MSL2: variants seen among roughly 807,000 people sequenced by gnomAD.
The protein encoded by MSL2 is MSL complex subunit 2.
Under a neutral mutation model 35.8 loss-of-function variants are expected in MSL2, and 2 were observed. That is an observed-to-expected ratio of 0.06 (90% CI 0.02 to 0.18). MSL2 has a LOEUF of 0.18. Ranked by LOEUF, MSL2 falls within the 10% of genes least tolerant of loss-of-function variation. The pLI is 1.00. For missense variants in MSL2, 523 were observed against 706.7 expected (o/e 0.74, Z 2.95); for synonymous variants, 296 against 255.7 (o/e 1.16, Z -1.50).
At chr3:136,173,021 G>A (rs1940070072) in intron 1 of MSL2, among the ~76,000 whole-genome samples, 4 of 152,070 alleles carry the variant, frequency 2.6e-5, no homozygotes, top group Admixed American at 2.6e-4. Flanking sequence ...AAACCAGCCA[G>A]GCATGGTGGT....
At chr3:136,187,077 G>A (rs946662187) in intron 1 of MSL2, among the ~76,000 whole-genome samples, 7 of 152,102 alleles carry the variant, frequency 4.6e-5, no homozygotes, top group South Asian at 2.1e-4. Context: ...CACAAATGCA[G>A]AACCCACAGA....
intron 1 of MSL2, among the ~76,000 whole-genome samples, chr3:136,183,284 G>A (rs960961872): frequency 2.0e-5 from 3 of 152,154 alleles, no homozygotes; most frequent in Admixed American, 6.5e-5. Flanking sequence ...AGCCAAATGC[G>A]GTGGCTCACT....
At chr3:136,162,426 A>T (rs891398414) in intron 1 of MSL2, among the ~76,000 whole-genome samples, 2 of 151,808 alleles carry the variant, frequency 1.3e-5, no homozygotes, top group African/African-American at 4.8e-5. Context: ...TACAAAAAAT[A>T]AAAAAAATTA....
rs9845788 is a variant in MSL2, at chr3:136,195,873, G to A, written c.-760C>T. On this transcript the variant is annotated 5_prime_UTR_variant, in exon 1 of 2. Coordinates refer to ENST00000309993, the MANE Select transcript of MSL2 (RefSeq NM_018133.4). ...CGGGCCGCCGCCGGCGGGCGGGAGG[G>A]GGCGGGGGGCAAGCCCGGCCGGGCC... 0.58 allele frequency: 557,279 copies of A among 967,608 alleles called. 167,013 individuals carry two copies. Among genetic ancestry groups the A allele is most frequent in the East Asian group, 0.81 (6,998 of 8,642 alleles). The allele number at this position is 967,608 out of a possible 1,614,324, so 59.9% of individuals were successfully genotyped here. A position where few individuals can be genotyped will look rare whatever the true frequency, so the allele number is the denominator to read the frequency against.
At chr3:136,190,999 A>C (rs1047562718) in intron 1 of MSL2, among the ~76,000 whole-genome samples, 2 of 152,194 alleles carry the variant, frequency 1.3e-5, no homozygotes, top group African/African-American at 4.8e-5. Context: ...CATATCAAAG[A>C]ACAGTAATAA....
At position 136,195,572 on chromosome 3, in the gene MSL2, G is replaced by T; in HGVS notation, c.-459C>A. On this transcript the variant is annotated 5_prime_UTR_variant, in exon 1 of 2. Transcript: ENST00000309993. ...GCGGCACGCTTCTCCCGGGCTGCAG[G>T]GCCTCTTACTCCATCCCAGTACAGG... 1.0e-6 allele frequency: 1 copy of T among 998,264 alleles called. No individual in the cohort carries two copies. Among genetic ancestry groups the T allele is most frequent in the Non-Finnish European group, 1.2e-6 (1 of 838,448 alleles). 61.8% of individuals were successfully genotyped at this position (998,264 alleles called of 1,614,324 possible).
intron 1 of MSL2, among the ~76,000 whole-genome samples, chr3:136,170,451 TATAC>T (rs1194586234): frequency 6.7e-6 from 1 of 149,672 alleles, no homozygotes; most frequent in Non-Finnish European, 1.5e-5. Flanking sequence ...TTGTTTCAAA[TATAC>T]TTCACAGCTT....
chr3:136,183,326 TAGG>T (rs1167279964), intron 1 of MSL2, among the ~76,000 whole-genome samples: 3 of 151,936 alleles, frequency 2.0e-5, no homozygotes, highest in Non-Finnish European at 4.4e-5. Flanking sequence ...GAGGCCAAGG[TAGG>T]AGGAGAAAAA....
intron 1 of MSL2, chr3:136,155,880 C>T: frequency 3.5e-6 from 2 of 577,338 alleles, no homozygotes; most frequent in Non-Finnish European, 6.9e-6. Flanking sequence ...GCATTTCTAC[C>T]TGGCTGTGAT....
At chr3:136,187,856 C>T (rs974186423) in intron 1 of MSL2, among the ~76,000 whole-genome samples, 4 of 151,980 alleles carry the variant, frequency 2.6e-5, no homozygotes, top group African/African-American at 9.7e-5. Context: ...GATTCTAATT[C>T]AATCAGTCTG....
intron 1 of MSL2, among the ~76,000 whole-genome samples, chr3:136,193,049 G>T (rs962040197): frequency 6.6e-6 from 1 of 152,104 alleles, no homozygotes; most frequent in South Asian, 2.1e-4. Flanking sequence ...TTTTCCATAG[G>T]ATGATGTGAA....
intron 1 of MSL2, among the ~76,000 whole-genome samples, chr3:136,193,287 G>A (rs1940741271): frequency 6.6e-6 from 1 of 152,068 alleles, no homozygotes; most frequent in Admixed American, 6.6e-5. Flanking sequence ...ACAGTTTTAG[G>A]ATAGTGGTGG....
At position 136,152,056 on chromosome 3, in the gene MSL2, G is replaced by A. The variant is rs149663063; in HGVS notation, c.825C>T (p.Arg275=). 2 of 1,614,028 alleles carry A rather than the reference G, an allele frequency of 1.2e-6. No homozygotes were observed. The highest frequency in any genetic ancestry group is 2.7e-5 in the African/African-American group (2 of 74,904). ...CTGTATTTGAAACAGTTTCTAAGCT[G>A]CGGAGTACTTCCTCAACACTCAGTA... ...SLLLSVEEVL[R]SLETVSNTEV... is the part of the protein sequence containing the mutation. The change falls in exon 2 of 2, where the codon CGC becomes CGT. Residue 275 remains arginine (R), a synonymous_variant. Transcript: ENST00000309993.
At chr3:136,153,357 G>A (rs1432559420) in intron 1 of MSL2, among the ~76,000 whole-genome samples, 2 of 152,150 alleles carry the variant, frequency 1.3e-5, no homozygotes, top group African/African-American at 4.8e-5. Flanking sequence ...GAGTAAGAGA[G>A]ATTTAGTCCC....
intron 1 of MSL2, among the ~76,000 whole-genome samples, chr3:136,158,166 G>A (rs575165819): frequency 1.3e-5 from 2 of 152,138 alleles, no homozygotes; most frequent in East Asian, 3.9e-4. Context: ...GCAAAAATTA[G>A]CCGGGCGTGG....
chr3:136,153,977 G>A (rs1349898377), intron 1 of MSL2, among the ~76,000 whole-genome samples: 1 of 151,950 alleles, frequency 6.6e-6, no homozygotes, highest in Non-Finnish European at 1.5e-5. Context: ...CAGCTATTCA[G>A]GAGGCTGAGG....
intron 1 of MSL2, among the ~76,000 whole-genome samples, chr3:136,182,553 G>C (rs1004574943): frequency 1.5e-4 from 23 of 152,114 alleles, no homozygotes; most frequent in Admixed American, 6.6e-5. Flanking sequence ...CTGGATTGAG[G>C]GGGGTGGGGG....
intron 1 of MSL2, among the ~76,000 whole-genome samples, chr3:136,174,568 G>A (rs1194627054): frequency 6.6e-6 from 1 of 152,214 alleles, no homozygotes; most frequent in African/African-American, 2.4e-5. Context: ...ACTGAGGCAG[G>A]AAGAGCAAAA....
intron 1 of MSL2, among the ~76,000 whole-genome samples, chr3:136,193,374 A>G (rs578071389): frequency 6.6e-6 from 1 of 152,286 alleles, no homozygotes; most frequent in Non-Finnish European, 1.5e-5. Context: ...CAGGGGACCT[A>G]CCAGATTCTA....
Sources: gnomAD v4.1 joint callset for allele counts (sites outside exome capture counted in the v4.1 genomes callset) on GRCh38, gnomAD v4.1.1 for gene constraint, MANE v1.5 for transcripts, NCBI Gene and HGNC (gene_info 2026-07-23, HGNC 2026-07-21) for gene names.